The following GALNT9 variants were observed in gnomAD, a reference collection of about 807,000 sequenced individuals.
GALNT9 encodes the protein GalNAc transferase 9.
In GALNT9, 47 loss-of-function variants were observed where a neutral mutation model predicts 63.1. That is an observed-to-expected ratio of 0.75 (90% confidence interval 0.59 to 0.95). The LOEUF (loss-of-function observed/expected upper bound fraction) is 0.95, where lower values mean the gene tolerates loss of function less well. Among genes scored for constraint, GALNT9 ranks in the 40% least tolerant of loss-of-function variants. The pLI is 0.00. For missense variants in GALNT9, 829 were observed against 874.8 expected (o/e 0.95, Z 0.66); for synonymous variants, 396 against 365.7 (o/e 1.08, Z -0.94).
chr12:132,301,465 T>G (rs1881293024), intron 1 of GALNT9, among the ~76,000 whole-genome samples: 2 of 152,268 alleles, frequency 1.3e-5, no homozygotes, highest in South Asian at 4.1e-4. Context: ...AGGTGCCAGC[T>G]GGACACTTCC....
intron 6 of GALNT9, among the ~76,000 whole-genome samples, chr12:132,239,659 CAGAG>C (rs2136897327): frequency 4.0e-5 from 6 of 148,330 alleles, no homozygotes; most frequent in African/African-American, 1.0e-4. Context: ...GAGTCAGAGA[CAGAG>C]AGAGACAGAG....
intron 1 of GALNT9, among the ~76,000 whole-genome samples, chr12:132,311,518 A>G (rs553252503): frequency 1.0e-3 from 152 of 152,328 alleles, no homozygotes; most frequent in African/African-American, 3.4e-3. Context: ...CTGCAACTCA[A>G]TGTTCAACAA....
chr12:132,199,145 G>A (rs4074046), intron 9 of GALNT9, 29 bp downstream of exon 9: 722,655 of 1,463,432 alleles, frequency 0.49, 182,182 homozygotes, highest in Non-Finnish European at 0.52. Flanking sequence ...CCCCTTGGGA[G>A]CTGCATGGGT....
rs142858391 is a variant in GALNT9, at chr12:132,283,061, C to T, written c.419+3189G>A. ...ACGCAGAGGGTCACACAGGGCTTCA[C>T]CCCCAGCTCGGGTTCAGTCCTGACT... is the stretch of plus-strand genomic sequence containing the variant. On this transcript the variant is annotated intron_variant, in intron 2 of 10. Transcript: ENST00000328957. 2.0e-5 allele frequency: 3 copies of T among 152,426 alleles called. No homozygotes were observed. In the East Asian group the frequency reaches 5.8e-4, roughly 29 times the overall value. 9.4% of individuals were successfully genotyped at this position (152,426 alleles called of 1,614,324 possible).
chr12:132,226,671 A>G (rs1765333142), intron 6 of GALNT9, among the ~76,000 whole-genome samples: 1 of 118,056 alleles, frequency 8.5e-6, no homozygotes, highest in Non-Finnish European at 1.7e-5. Context: ...CCCCACACAC[A>G]CTGTACATAC....
intron 1 of GALNT9, among the ~76,000 whole-genome samples, chr12:132,295,088 C>G (rs951751177): frequency 2.0e-5 from 3 of 152,240 alleles, no homozygotes; most frequent in Non-Finnish European, 4.4e-5. Flanking sequence ...CCAGTGGTCC[C>G]TGTAGCTGCA....
At chr12:132,270,737 C>A (rs554407657) in intron 2 of GALNT9, among the ~76,000 whole-genome samples, 1 of 152,194 alleles carries the variant, frequency 6.6e-6, no homozygotes, top group Non-Finnish European at 1.5e-5. Flanking sequence ...GCCACAGCCA[C>A]GACACCCTGC....
chr12:132,259,273 A>G (rs1248091590), intron 4 of GALNT9, among the ~76,000 whole-genome samples: 1 of 152,350 alleles, frequency 6.6e-6, no homozygotes, highest in East Asian at 1.9e-4. Context: ...TTTTGACGTG[A>G]CAGACCCAAG....
chr12:132,308,029 C>G (rs1555244802), intron 1 of GALNT9, among the ~76,000 whole-genome samples: 1 of 95,612 alleles, frequency 1.0e-5, no homozygotes, highest in Non-Finnish European at 2.1e-5. Context: ...GAGTGAGACC[C>G]TGTCTCAAAA....
intron 6 of GALNT9, among the ~76,000 whole-genome samples, chr12:132,230,258 G>A (rs1024990322): frequency 2.6e-5 from 4 of 152,198 alleles, no homozygotes; most frequent in Non-Finnish European, 4.4e-5. Flanking sequence ...CTGCCTGTGA[G>A]CCTTGTGATG....
intron 1 of GALNT9, among the ~76,000 whole-genome samples, chr12:132,294,941 C>A (rs1424880078): frequency 6.6e-6 from 1 of 152,236 alleles, no homozygotes; most frequent in Non-Finnish European, 1.5e-5. Context: ...AGAATTCCTT[C>A]CAAGAGGCAG....
chr12:132,208,339 C>T (rs756800026), intron 6 of GALNT9, among the ~76,000 whole-genome samples: 42 of 152,294 alleles, frequency 2.8e-4, no homozygotes, highest in Admixed American at 1.0e-3. Flanking sequence ...TGAAGGAGGC[C>T]GGAGCCCGGC....
rs944127269 is a variant in GALNT9 at position 132,196,892 on chromosome 12, C to T, written c.*215G>A. The T allele has an allele frequency of 1.2e-5, 17 of 1,388,988 alleles. No homozygotes were observed. In the African/African-American group the frequency reaches 1.8e-4, roughly 14 times the overall value. The allele number at this position is 1,388,988 out of a possible 1,614,324, so 86.0% of individuals were successfully genotyped here. A position where few individuals can be genotyped will look rare whatever the true frequency, so the allele number is the denominator to read the frequency against. The stretch of plus-strand genomic sequence containing the variant: ...ATCACTGTCCCCAGACGCCCTCCCT[C>T]GGGTAGAGCCGCCTGTCCTAGGAGA... On this transcript the variant is annotated 3_prime_UTR_variant, in exon 11 of 11. Transcript: ENST00000328957.
chr12:132,293,341 G>A (rs1222323739), intron 1 of GALNT9, among the ~76,000 whole-genome samples: 2 of 152,210 alleles, frequency 1.3e-5, no homozygotes, highest in South Asian at 2.1e-4. Context: ...TCTGGGCTCC[G>A]GGGAGCCTCT....
chr12:132,287,807 G>A (rs1351869585), intron 1 of GALNT9, among the ~76,000 whole-genome samples: 6 of 151,990 alleles, frequency 3.9e-5, no homozygotes, highest in Non-Finnish European at 5.9e-5. Context: ...AAGCAGACGC[G>A]GCTTGGAGAT....
chr12:132,219,885 C>A (rs1565991243), intron 6 of GALNT9, among the ~76,000 whole-genome samples: 1 of 147,916 alleles, frequency 6.8e-6, no homozygotes, highest in East Asian at 2.0e-4. Context: ...GGGTACCTCC[C>A]CAGGGTGACA....
chr12:132,227,025 T>TACACACACACACCCAC (rs1877721469), intron 6 of GALNT9, among the ~76,000 whole-genome samples: 1 of 146,808 alleles, frequency 6.8e-6, no homozygotes, highest in Non-Finnish European at 1.5e-5. Flanking sequence ...ATACACCCCA[T>TACACACACACACCCAC]ACACACACAC....
At chr12:132,240,582 G>A (rs1434344612) in intron 6 of GALNT9, 9 of 454,528 alleles carry the variant, frequency 2.0e-5, no homozygotes, top group Non-Finnish European at 4.0e-5. Flanking sequence ...GTGGCCCCGG[G>A]GCTCGGCTGT....
At chr12:132,305,302 G>C (rs1327222025) in intron 1 of GALNT9, among the ~76,000 whole-genome samples, 15 of 13,470 alleles carry the variant, frequency 1.1e-3, no homozygotes, top group East Asian at 3.5e-3. Flanking sequence ...CGCCCTCACC[G>C]GGGCACACCC....
Sources: gnomAD v4.1 joint callset for allele counts (sites outside exome capture counted in the v4.1 genomes callset) on GRCh38, gnomAD v4.1.1 for gene constraint, MANE v1.5 for transcripts, NCBI Gene and HGNC (gene_info 2026-07-23, HGNC 2026-07-21) for gene names.